Variants in NTRK3 observed in about 807,000 individuals in gnomAD.
The protein encoded by NTRK3 is NT-3 growth factor receptor.
NTRK3 carries 24 observed loss-of-function variants against 91.7 expected under a neutral mutation model. The ratio of observed to expected loss-of-function variants is 0.26; its 90% CI spans 0.19 to 0.37. NTRK3 has a LOEUF of 0.37. NTRK3 is among the 10% of genes least tolerant of loss of function. The pLI is 1.00. For missense variants in NTRK3, 880 were observed against 1,068.9 expected (o/e 0.82, Z 2.46); for synonymous variants, 483 against 404.0 (o/e 1.20, Z -2.34).
chr15:88,080,368 C>A (rs1381677543), intron 13 of NTRK3, among the ~76,000 whole-genome samples: 1 of 152,118 alleles, frequency 6.6e-6, no homozygotes, highest in African/African-American at 2.4e-5. Context: ...ATATCTAAAC[C>A]ATCATGTATT....
chr15:88,035,890 C>T (rs1049548766), intron 13 of NTRK3, among the ~76,000 whole-genome samples: 3 of 151,900 alleles, frequency 2.0e-5, no homozygotes, highest in Non-Finnish European at 1.5e-5. Context: ...TTGGAAATTA[C>T]GATCGTCAAA....
chr15:87,908,397 T>C (rs943250645), intron 17 of NTRK3: 6 of 398,328 alleles, frequency 1.5e-5, no homozygotes, highest in Admixed American at 4.4e-5. Context: ...CCCCAGCCCA[T>C]GGAAGTGCCT....
At chr15:87,994,534 C>G (rs1303279343) in intron 14 of NTRK3, among the ~76,000 whole-genome samples, 1 of 152,182 alleles carries the variant, frequency 6.6e-6, no homozygotes, top group Non-Finnish European at 1.5e-5. Context: ...AGATCCTTCC[C>G]TAGTGCCTTC....
chr15:88,149,781 G>C lies in NTRK3; in HGVS notation c.396-2378C>G, dbSNP rs571952094. Among the ~76,000 whole-genome samples, 5 of 152,340 alleles carry C rather than the reference G, an allele frequency of 3.3e-5. No individual in the cohort carries two copies. In the South Asian group the frequency reaches 1.0e-3, roughly 32 times the overall value. Reference sequence around the variant, plus strand: ...CTATTAGACCAGGAGTTCGAACTTGGGGTTCAGGACAACAGGATTTGGTAC... The same window carrying C: ...CTATTAGACCAGGAGTTCGAACTTGCGGTTCAGGACAACAGGATTTGGTAC... On this transcript the variant is annotated intron_variant, in intron 5 of 18. Coordinates refer to ENST00000394480, the Ensembl canonical transcript of NTRK3.
chr15:88,041,977 TG>T (rs2079671484), intron 13 of NTRK3, among the ~76,000 whole-genome samples: 2 of 152,080 alleles, frequency 1.3e-5, no homozygotes, highest in Admixed American at 1.3e-4. Flanking sequence ...AGATCTGACT[TG>T]GGTAGCAGAA....
At chr15:87,876,421 C>A in exon 19 of NTRK3, 1 of 228,436 alleles carries the variant, frequency 4.4e-6, no homozygotes. Context: ...CTGTGGTGAG[C>A]TTCCGGGGTA....
intron 14 of NTRK3, among the ~76,000 whole-genome samples, chr15:88,019,798 A>G (rs1567236332): frequency 6.6e-6 from 1 of 152,240 alleles, no homozygotes; most frequent in Non-Finnish European, 1.5e-5. Flanking sequence ...ACACTTCATC[A>G]GGATCCTTCC....
chr15:87,870,449 G>A (rs1278333799), exon 19 of NTRK3: 1 of 207,696 alleles, frequency 4.8e-6, no homozygotes, highest in Non-Finnish European at 9.8e-6. Context: ...TGTGGGAAGG[G>A]AGTGAGGGAT....
chr15:88,138,931 AGACT>A (rs1212906698), intron 6 of NTRK3, among the ~76,000 whole-genome samples: 2 of 152,380 alleles, frequency 1.3e-5, no homozygotes, highest in South Asian at 2.1e-4. Context: ...AGAGAGAACG[AGACT>A]GACTGACTGT....
chr15:88,155,050 G>A (rs1231251560), intron 5 of NTRK3, among the ~76,000 whole-genome samples: 1 of 152,184 alleles, frequency 6.6e-6, no homozygotes, highest in African/African-American at 2.4e-5. Context: ...ATTTGATTAT[G>A]TGTTGTCTAC....
chr15:87,920,956 T>G (rs1465748), intron 17 of NTRK3, among the ~76,000 whole-genome samples: 23,394 of 152,056 alleles, frequency 0.15, 1,996 homozygotes, highest in South Asian at 0.24. Context: ...CCAAACAAAG[T>G]CTGTAGTTTA....
At chr15:88,096,396 TG>T (rs2049601899) in intron 13 of NTRK3, among the ~76,000 whole-genome samples, 1 of 152,156 alleles carries the variant, frequency 6.6e-6, no homozygotes, top group South Asian at 2.1e-4. Context: ...ATGACCTGGT[TG>T]GGAAAAGCCC....
intron 17 of NTRK3, chr15:87,916,666 GC>G (rs897988084): frequency 1.0e-5 from 7 of 688,236 alleles, no homozygotes; most frequent in Non-Finnish European, 1.8e-5. Flanking sequence ...TTATTTTTTG[GC>G]AGGATTAGGG....
chr15:88,088,341 G>A (rs1347563794), intron 13 of NTRK3, among the ~76,000 whole-genome samples: 1 of 152,156 alleles, frequency 6.6e-6, no homozygotes, highest in African/African-American at 2.4e-5. Flanking sequence ...ATAATGTCAT[G>A]AGGCAATAAC....
At chr15:87,911,863 A>G (rs2067106371) in intron 17 of NTRK3, among the ~76,000 whole-genome samples, 1 of 152,248 alleles carries the variant, frequency 6.6e-6, no homozygotes, top group South Asian at 2.1e-4. Flanking sequence ...ATAATCAGTG[A>G]AATAAGGCAT....
At chr15:88,137,662 T>A in intron 6 of NTRK3, 101 bp from the exon 7 acceptor site, 3 of 1,185,862 alleles carry the variant, frequency 2.5e-6, no homozygotes, top group Non-Finnish European at 3.7e-6. Flanking sequence ...GTTCAGGGAT[T>A]AAGGGGAGAA....
chr15:88,225,312 G>A (rs1432537996), intron 3 of NTRK3, among the ~76,000 whole-genome samples: 1 of 152,196 alleles, frequency 6.6e-6, no homozygotes, highest in Non-Finnish European at 1.5e-5. Context: ...AAGCAGGTAT[G>A]GGTTCTCTGC....
intron 13 of NTRK3, among the ~76,000 whole-genome samples, chr15:88,124,315 G>A (rs1311447446): frequency 2.0e-5 from 3 of 152,210 alleles, no homozygotes; most frequent in African/African-American, 7.2e-5. Context: ...GCCTGGGAGA[G>A]GGGAGCAGGG....
In NTRK3 at chr15:88,225,167, C is replaced by T. The variant is rs139996727; in HGVS notation, c.248+30739G>A. Among the ~76,000 whole-genome samples, 482 of 152,256 alleles carry T rather than the reference C, an allele frequency of 3.2e-3. 1 individual carries two copies. The highest frequency in any genetic ancestry group is 4.6e-3 in the Admixed American group (70 of 15,292). On this transcript the variant is annotated intron_variant, in intron 3 of 18. Transcript: ENST00000394480. ...GCAGGAATAATGAAAGGGGAAGAAGCCCAAGATGAAACTAAAAGGGACGTG... is the reference window on the plus strand; with the variant it reads ...GCAGGAATAATGAAAGGGGAAGAAGTCCAAGATGAAACTAAAAGGGACGTG...
Sources: gnomAD v4.1 joint callset for allele counts (sites outside exome capture counted in the v4.1 genomes callset) on GRCh38, gnomAD v4.1.1 for gene constraint, MANE v1.5 for transcripts, NCBI Gene and HGNC (gene_info 2026-07-23, HGNC 2026-07-21) for gene names.